Variants in AKAP13 observed in about 807,000 individuals in gnomAD.
AKAP13 encodes A-kinase anchor protein 13.
Under a neutral mutation model 264.5 loss-of-function variants are expected in AKAP13, and 80 were observed. That is an observed-to-expected ratio of 0.30 (90% CI 0.25 to 0.36). The LOEUF is 0.36. Ranked by LOEUF, AKAP13 falls within the 10% of genes least tolerant of loss-of-function variation. The probability of loss-of-function intolerance (pLI) is 1.00; values close to 1 mark genes in which losing one functional copy is unlikely to be tolerated. For missense variants in AKAP13, 3,712 were observed against 3,435.2 expected (o/e 1.08, Z -2.01); for synonymous variants, 1,380 against 1,250.2 (o/e 1.10, Z -2.19).
chr15:85,708,217 A>T lies in AKAP13; in HGVS notation c.5532+131A>T, dbSNP rs533173413. ...TCATTTGGTACCAACTTTGAGAACAAATTATAACTAAAAAATATTTTTTCT... is the reference window on the plus strand; with the variant it reads ...TCATTTGGTACCAACTTTGAGAACATATTATAACTAAAAAATATTTTTTCT... On this transcript the variant is annotated intron_variant, in intron 18 of 36. Transcript: ENST00000394518. This position sits in a 1 kb window ranked among gnomAD's most constrained non-coding sequence, Gnocchi z 4.3. 114 of 737,462 alleles carry T rather than the reference A, an allele frequency of 1.5e-4. No homozygotes were observed. The African/African-American group carries it at 1.9e-3, about 12-fold the overall frequency. 45.7% of individuals were successfully genotyped at this position (737,462 alleles called of 1,614,324 possible).
At chr15:85,415,111 G>T (rs2072178180) in intron 1 of AKAP13, 1 of 621,452 alleles carries the variant, frequency 1.6e-6, no homozygotes. Flanking sequence ...TCTATAATTA[G>T]TAACAGCATC....
Position 85,645,954 on chromosome 15 carries a change from G to A in AKAP13, c.4374G>A (p.Lys1458=), listed in dbSNP as rs1240873711. 6.2e-7 allele frequency: 1 copy of A among 1,611,612 alleles called. No homozygotes were observed. The highest frequency in any genetic ancestry group is 1.3e-5 in the African/African-American group (1 of 74,772). Residue 1458 remains lysine (K), a splice_region_variant and synonymous_variant, in exon 10 of 37, where the codon AAG becomes AAA. Coordinates refer to ENST00000394518, the MANE Select transcript of AKAP13 (RefSeq NM_007200.5). ...SDDMDSIIFP[K]PEEEHLACDI... is the part of the protein sequence containing the mutation. ...ACATGGACAGCATCATCTTCCCAAA[G>A]GTACTGTGTGGACCTTCCTTTCATT...
At chr15:85,610,054 G>C (rs918990389) in intron 8 of AKAP13, among the ~76,000 whole-genome samples, 2 of 152,090 alleles carry the variant, frequency 1.3e-5, no homozygotes, top group African/African-American at 4.8e-5. Flanking sequence ...ACACCTTACA[G>C]GGCAACTCAC....
At chr15:85,654,830 G>GA (rs35827632) in intron 10 of AKAP13, among the ~76,000 whole-genome samples, 4 of 149,428 alleles carry the variant, frequency 2.7e-5, no homozygotes, top group African/African-American at 4.9e-5. Context: ...TCTCAAATTG[G>GA]AAAAAAAAGA....
chr15:85,650,788 A>AAACAAAAAAAAAAAC (rs2082792105), intron 10 of AKAP13, among the ~76,000 whole-genome samples: 1 of 124,994 alleles, frequency 8.0e-6, no homozygotes, highest in Non-Finnish European at 1.7e-5. Flanking sequence ...AAAAAAAAAA[A>AAACAAAAAAAAAAAC]AACAACAAAA....
chr15:85,478,911 A>G (rs1341544133), intron 1 of AKAP13, among the ~76,000 whole-genome samples: 1 of 151,358 alleles, frequency 6.6e-6, no homozygotes, highest in Non-Finnish European at 1.5e-5. Context: ...CCCGATTTCT[A>G]CTCTTTCTGG....
intron 30 of AKAP13, among the ~76,000 whole-genome samples, chr15:85,733,025 C>T (rs2088169920): frequency 6.6e-6 from 1 of 152,116 alleles, no homozygotes; most frequent in Non-Finnish European, 1.5e-5. Flanking sequence ...TCCTTGTAAG[C>T]CTTGACCATA....
intron 1 of AKAP13, among the ~76,000 whole-genome samples, chr15:85,478,144 T>TAC (rs1567077883): frequency 6.6e-6 from 1 of 151,978 alleles, no homozygotes; most frequent in African/African-American, 2.4e-5. Flanking sequence ...TACATACATA[T>TAC]GACCCTTTAC....
intron 2 of AKAP13, among the ~76,000 whole-genome samples, chr15:85,512,500 C>T (rs2076463391): frequency 6.6e-6 from 1 of 152,120 alleles, no homozygotes; most frequent in Non-Finnish European, 1.5e-5. Context: ...ACACGTATCT[C>T]TTTTTTCCCC....
chr15:85,734,905 C>G, intron 30 of AKAP13, 87 bp from the exon 31 acceptor site: 1 of 1,497,474 alleles, frequency 6.7e-7, no homozygotes, highest in Non-Finnish European at 9.0e-7. Flanking sequence ...TCAAGTCGTG[C>G]TCTTTGTACG....
At chr15:85,726,569 C>A in intron 27 of AKAP13, 83 bp downstream of exon 27, 1 of 1,169,924 alleles carries the variant, frequency 8.5e-7, no homozygotes, top group Non-Finnish European at 1.2e-6. Context: ...ATTGCTCTCC[C>A]CCGCCCTCTT....
rs762107404 is a variant in AKAP13 at position 85,533,749 on chromosome 15, C to T, written c.347C>T (p.Thr116Ile). The stretch of plus-strand genomic sequence containing the variant: ...GGAAATCAGCAGGCTTTGAACTTTA[C>T]CCGTTTTCTTGACCAGTCAGGACCC... ...SAGNQQALNF[T>I]RFLDQSGPPS... The change falls in exon 4 of 37, where the codon ACC becomes ATC. Residue 116 changes from threonine to isoleucine, a missense_variant. Thr to Ile is a moderately conservative substitution (Grantham distance 89, BLOSUM62 -1). Transcript: ENST00000394518. The T allele has an allele frequency of 2.5e-6, 4 of 1,614,150 alleles. No individual in the cohort carries two copies. Among genetic ancestry groups the T allele is most frequent in the Non-Finnish European group, 3.4e-6 (4 of 1,180,010 alleles).
intron 5 of AKAP13, among the ~76,000 whole-genome samples, chr15:85,554,424 C>A (rs1306503254): frequency 1.3e-5 from 2 of 152,138 alleles, no homozygotes; most frequent in African/African-American, 4.8e-5. Context: ...TTCTGACTTA[C>A]TGTTTCCTAG....
chr15:85,506,977 C>G (rs1407058934), intron 2 of AKAP13, among the ~76,000 whole-genome samples: 20 of 152,124 alleles, frequency 1.3e-4, no homozygotes, highest in Admixed American at 1.3e-3. Flanking sequence ...CTCTTGTCTT[C>G]CTAGTCAGCT....
chr15:85,541,020 ACT>A (rs758616121), intron 4 of AKAP13, among the ~76,000 whole-genome samples: 5 of 152,218 alleles, frequency 3.3e-5, no homozygotes, highest in Non-Finnish European at 5.9e-5. Flanking sequence ...ACAATGGTTA[ACT>A]CTGAATGAGG....
At chr15:85,563,351 TTTTA>T (rs1280399567) in intron 5 of AKAP13, among the ~76,000 whole-genome samples, 9 of 124,108 alleles carry the variant, frequency 7.3e-5, no homozygotes, top group African/African-American at 1.6e-4. Context: ...TTTTTTTTTT[TTTTA>T]AAGACGGAGA....
chr15:85,498,037 G>GA (rs1194622551), intron 2 of AKAP13, among the ~76,000 whole-genome samples: 1 of 151,932 alleles, frequency 6.6e-6, no homozygotes, highest in Non-Finnish European at 1.5e-5. Context: ...AAACCTCAAG[G>GA]AGCCACAGAA....
intron 1 of AKAP13, among the ~76,000 whole-genome samples, chr15:85,475,707 A>G (rs1406588254): frequency 6.6e-6 from 1 of 152,194 alleles, no homozygotes; most frequent in East Asian, 1.9e-4. Context: ...GCTGCCTTTA[A>G]TGAGCTACCA....
chr15:85,407,377 G>A (rs1442097932), intron 1 of AKAP13, among the ~76,000 whole-genome samples: 1 of 151,348 alleles, frequency 6.6e-6, no homozygotes, highest in Non-Finnish European at 1.5e-5. Context: ...ACAGGCATGC[G>A]CTGCCATGCC....
Sources: allele counts gnomAD v4.1 joint callset (sites outside exome capture counted in the v4.1 genomes callset), GRCh38; gene constraint gnomAD v4.1.1; non-coding constraint Gnocchi (gnomAD v3.1); transcripts MANE v1.5; gene names NCBI Gene and HGNC (gene_info 2026-07-23, HGNC 2026-07-21).